Variants in DLG2 observed in about 807,000 individuals in gnomAD.
DLG2 encodes the protein disks large homolog 2.
In DLG2, 45 loss-of-function variants were observed where a neutral mutation model predicts 132.5. The ratio of observed to expected loss-of-function variants is 0.34; its 90% CI spans 0.27 to 0.44. The LOEUF is 0.44. Among genes scored for constraint, DLG2 ranks in the 20% least tolerant of loss-of-function variants. DLG2 has a pLI of 1.00. For synonymous variants in DLG2, 424 were observed against 419.6 expected (o/e 1.01, Z -0.13); for missense variants, 1,045 against 1,196.9 (o/e 0.87, Z 1.87).
At chr11:85,246,298 T>C (rs967359856) in intron 4 of DLG2, among the ~76,000 whole-genome samples, 4 of 151,752 alleles carry the variant, frequency 2.6e-5, no homozygotes, top group Non-Finnish European at 5.9e-5. Flanking sequence ...GAATTCAAGG[T>C]TTATTCACAA....
At chr11:83,467,478 G>T in intron 25 of DLG2, among the ~76,000 whole-genome samples, 1 of 152,048 alleles carries the variant, frequency 6.6e-6, no homozygotes, top group South Asian at 2.1e-4. Context: ...GTTGGGTGCA[G>T]TGGCTCATGG....
chr11:84,965,914 C>G (rs1003217549), intron 6 of DLG2, among the ~76,000 whole-genome samples: 1 of 152,052 alleles, frequency 6.6e-6, no homozygotes, highest in East Asian at 1.9e-4. Flanking sequence ...AGATACGAGT[C>G]TTCTAAATAA....
At chr11:85,485,763 T>C (rs1238113879) in intron 3 of DLG2, among the ~76,000 whole-genome samples, 4 of 152,188 alleles carry the variant, frequency 2.6e-5, no homozygotes, top group African/African-American at 7.2e-5. Flanking sequence ...GACTAGAGAC[T>C]GTACCAAGAT....
intron 4 of DLG2, among the ~76,000 whole-genome samples, chr11:85,157,347 G>C (rs572452427): frequency 6.6e-6 from 1 of 152,170 alleles, no homozygotes; most frequent in Admixed American, 6.5e-5. Flanking sequence ...GGTTTCTGGA[G>C]TTGGCTGCTT....
chr11:83,467,210 G>A (rs924657752), intron 25 of DLG2, among the ~76,000 whole-genome samples: 1 of 152,158 alleles, frequency 6.6e-6, no homozygotes, highest in African/African-American at 2.4e-5. Context: ...GGTATTATCA[G>A]CTGCATTTTA....
intron 5 of DLG2, among the ~76,000 whole-genome samples, chr11:85,129,534 C>T (rs932959688): frequency 1.3e-5 from 2 of 152,126 alleles, no homozygotes; most frequent in Non-Finnish European, 2.9e-5. Context: ...ATTTGCATTT[C>T]TCTAATGAAA....
intron 5 of DLG2, among the ~76,000 whole-genome samples, chr11:85,128,564 A>G (rs896214987): frequency 6.6e-6 from 1 of 152,170 alleles, no homozygotes; most frequent in African/African-American, 2.4e-5. Context: ...AGTAAAAGAA[A>G]AATTCTATTG....
rs1555254838 is a variant in DLG2 at position 84,844,085 on chromosome 11, GTA to G, written c.357+267574_357+267575del. ...TATGTTTGTGTGTGTGTGTGTGTGT[GTA>G]TATATATATATATATGTTTGTGTGT... On this transcript the variant is annotated intron_variant, in intron 6 of 27. Transcript: ENST00000376104. Among the ~76,000 whole-genome samples, 232 of 93,116 alleles carry G rather than the reference GTA, an allele frequency of 2.5e-3. 5 individuals are homozygous for G. Among genetic ancestry groups the G allele is most frequent in the South Asian group, 0.016 (43 of 2,624 alleles). 61.1% of individuals were successfully genotyped at this position (93,116 alleles called of 152,430 possible). A position where few individuals can be genotyped will look rare whatever the true frequency, so the allele number is the denominator to read the frequency against.
chr11:84,438,252 C>T (rs1273223872), intron 7 of DLG2, among the ~76,000 whole-genome samples: 1 of 152,180 alleles, frequency 6.6e-6, no homozygotes, highest in South Asian at 2.1e-4. Context: ...CACTTTATTT[C>T]TTTAGAGAAT....
chr11:83,581,798 C>T (rs950004019), intron 19 of DLG2, among the ~76,000 whole-genome samples: 1 of 152,032 alleles, frequency 6.6e-6, no homozygotes, highest in African/African-American at 2.4e-5. Flanking sequence ...TTCAAACATT[C>T]CATTTTATTG....
intron 7 of DLG2, among the ~76,000 whole-genome samples, chr11:84,320,184 A>AGAT (rs1157033624): frequency 6.6e-6 from 1 of 152,216 alleles, no homozygotes; most frequent in Non-Finnish European, 1.5e-5. Context: ...TGCCTAGATG[A>AGAT]GATATAACTT....
intron 18 of DLG2, among the ~76,000 whole-genome samples, chr11:83,713,523 G>A (rs1159738584): frequency 2.6e-5 from 4 of 152,134 alleles, no homozygotes; most frequent in South Asian, 2.1e-4. Context: ...ATGAGATGAC[G>A]ATGAAAACCA....
At chr11:85,489,549 C>T (rs1218019002) in intron 3 of DLG2, among the ~76,000 whole-genome samples, 1 of 152,112 alleles carries the variant, frequency 6.6e-6, no homozygotes, top group Admixed American at 6.6e-5. Flanking sequence ...TTGGACTTTA[C>T]ACAAAAGGGA....
intron 5 of DLG2, among the ~76,000 whole-genome samples, chr11:85,144,599 AT>A (rs1566930570): frequency 6.7e-6 from 1 of 149,980 alleles, no homozygotes. Flanking sequence ...GGGTTTTTTG[AT>A]CCGAGGTTAC....
At chr11:84,331,010 A>G (rs1198466327) in intron 7 of DLG2, among the ~76,000 whole-genome samples, 1 of 152,208 alleles carries the variant, frequency 6.6e-6, no homozygotes, top group Non-Finnish European at 1.5e-5. Context: ...CGATTTTGAG[A>G]GGTCTGATGG....
At chr11:83,509,575 G>A (rs1257586920) in intron 21 of DLG2, among the ~76,000 whole-genome samples, 2 of 151,948 alleles carry the variant, frequency 1.3e-5, no homozygotes, top group Admixed American at 6.6e-5. Flanking sequence ...ATCTCTTATG[G>A]TACTCCATCT....
intron 7 of DLG2, among the ~76,000 whole-genome samples, chr11:84,507,144 T>C (rs1567820888): frequency 1.3e-5 from 2 of 152,204 alleles, no homozygotes; most frequent in African/African-American, 2.4e-5. Flanking sequence ...ACTCATATCG[T>C]CAATGAATAT....
At chr11:84,416,177 T>G (rs1392331737) in intron 7 of DLG2, among the ~76,000 whole-genome samples, 6 of 150,450 alleles carry the variant, frequency 4.0e-5, no homozygotes, top group Non-Finnish European at 8.8e-5. Flanking sequence ...TTTGTTCTAT[T>G]TAGTTTCTTC....
chr11:84,290,898 G>A (rs935595028), intron 7 of DLG2, among the ~76,000 whole-genome samples: 21 of 152,058 alleles, frequency 1.4e-4, no homozygotes, highest in African/African-American at 5.1e-4. Context: ...TGAGTAAGTT[G>A]CTTAAACTCT....
Sources: gnomAD v4.1 joint callset for allele counts (sites outside exome capture counted in the v4.1 genomes callset) on GRCh38, gnomAD v4.1.1 for gene constraint, MANE v1.5 for transcripts, NCBI Gene and HGNC (gene_info 2026-07-23, HGNC 2026-07-21) for gene names.